Variants in STPG2 observed in about 807,000 individuals in gnomAD.
STPG2 encodes the protein sperm-tail PG-rich repeat-containing protein 2.
Under a neutral mutation model 54.2 loss-of-function variants are expected in STPG2, and 56 were observed. The observed-to-expected ratio is 1.03, with a 90% CI of 0.83 to 1.29. STPG2 has a LOEUF of 1.29. STPG2 is among the 50% of genes most tolerant of loss of function. The pLI is 0.00. For synonymous variants in STPG2, 200 were observed against 181.8 expected (o/e 1.10, Z -0.81); for missense variants, 596 against 544.9 (o/e 1.09, Z -0.93).
chr4:97,839,437 A>C (rs1014501751), intron 9 of STPG2, among the ~76,000 whole-genome samples: 8 of 151,666 alleles, frequency 5.3e-5, no homozygotes, highest in Non-Finnish European at 1.0e-4. Context: ...GAATACAGAC[A>C]AAAAATATCA....
At chr4:97,835,019 C>T (rs1372933754) in intron 9 of STPG2, among the ~76,000 whole-genome samples, 1 of 152,180 alleles carries the variant, frequency 6.6e-6, no homozygotes, top group African/African-American at 2.4e-5. Context: ...GTGCCTCCAT[C>T]TTAAGTAGTG....
Position 97,755,378 on chromosome 4 carries a change from T to C in STPG2, c.1205-42564A>G, listed in dbSNP as rs142121162. 8.1e-3 allele frequency among the ~76,000 whole-genome samples: 1,234 copies of C among 152,280 alleles called. 16 individuals are homozygous for C. Among genetic ancestry groups the C allele is most frequent in the African/African-American group, 0.028 (1,168 of 41,552 alleles). ...ACCCTGGTTCAAAGAGGGAAAACTGTGCTCTTTTGCAAGCTCTAGTATTAT... is the reference window on the plus strand; with the variant it reads ...ACCCTGGTTCAAAGAGGGAAAACTGCGCTCTTTTGCAAGCTCTAGTATTAT... On this transcript the variant is annotated intron_variant, in intron 9 of 10. Coordinates refer to ENST00000295268, the MANE Select transcript of STPG2 (RefSeq NM_174952.3).
intron 8 of STPG2, among the ~76,000 whole-genome samples, chr4:97,848,084 AG>A (rs923834680): frequency 2.4e-4 from 37 of 152,292 alleles, no homozygotes; most frequent in African/African-American, 8.4e-4. Context: ...TTGGATCCCC[AG>A]TGCCTATGGG....
intron 10 of STPG2, among the ~76,000 whole-genome samples, chr4:97,615,505 C>T (rs1312702941): frequency 6.6e-6 from 1 of 151,916 alleles, no homozygotes; most frequent in African/African-American, 2.4e-5. Context: ...TCAGGCTGGC[C>T]TTGAACTCCT....
chr4:97,662,198 G>A (rs139717149), intron 10 of STPG2, among the ~76,000 whole-genome samples: 14 of 151,912 alleles, frequency 9.2e-5, no homozygotes, highest in East Asian at 7.7e-4. Flanking sequence ...AGCAAATAAC[G>A]CCACTAAAAA....
chr4:97,567,170 T>G (rs552995274), intron 10 of STPG2, among the ~76,000 whole-genome samples: 2 of 150,930 alleles, frequency 1.3e-5, no homozygotes, highest in East Asian at 3.9e-4. Flanking sequence ...ATAGCTTACT[T>G]TAAGGTAGTC....
chr4:97,731,187 T>G (rs1724782839), intron 9 of STPG2, among the ~76,000 whole-genome samples: 1 of 152,186 alleles, frequency 6.6e-6, no homozygotes, highest in African/African-American at 2.4e-5. Flanking sequence ...GTTTTTATAT[T>G]CTTTAATTCC....
chr4:97,706,828 GAAT>G (rs1287448487), intron 10 of STPG2, among the ~76,000 whole-genome samples: 1 of 152,088 alleles, frequency 6.6e-6, no homozygotes, highest in African/African-American at 2.4e-5. Flanking sequence ...AATTAAAAGA[GAAT>G]AAGAAAAGAG....
intron 5 of STPG2, chr4:98,025,625 C>T (rs1041892842): frequency 4.3e-5 from 34 of 788,922 alleles, no homozygotes; most frequent in African/African-American, 1.5e-4. Context: ...AGCATATGCA[C>T]ACGAACTGCC....
chr4:97,514,210 T>G (rs1477446112), intron 4 of STPG2, among the ~76,000 whole-genome samples: 1 of 152,120 alleles, frequency 6.6e-6, no homozygotes, highest in Non-Finnish European at 1.5e-5. Flanking sequence ...GTTTTGTTTT[T>G]GTTCTAAACG....
chr4:97,564,377 C>T (rs1301669835), intron 10 of STPG2, among the ~76,000 whole-genome samples: 6 of 152,164 alleles, frequency 3.9e-5, no homozygotes. Context: ...TGGGTCTTGA[C>T]TCTTTATCCA....
intron 5 of STPG2, among the ~76,000 whole-genome samples, chr4:98,005,805 AT>A (rs1164595323): frequency 2.0e-5 from 3 of 152,200 alleles, no homozygotes; most frequent in African/African-American, 7.2e-5. Context: ...ATCTCTGTTC[AT>A]CAGAAATGTT....
At chr4:98,074,667 C>G (rs1738104976) in intron 5 of STPG2, among the ~76,000 whole-genome samples, 1 of 152,196 alleles carries the variant, frequency 6.6e-6, no homozygotes, top group Non-Finnish European at 1.5e-5. Flanking sequence ...TACTAATTCT[C>G]TCTTTTGCAC....
chr4:97,957,186 T>C (rs1218463412), intron 7 of STPG2, among the ~76,000 whole-genome samples: 2 of 70,652 alleles, frequency 2.8e-5, no homozygotes, highest in East Asian at 4.1e-4. Context: ...AATATATATA[T>C]GAAATGAAGG....
intron 4 of STPG2, 49 bp downstream of exon 4, chr4:98,109,143 CT>C: frequency 2.6e-6 from 3 of 1,153,772 alleles, no homozygotes; most frequent in Non-Finnish European, 3.6e-6. Flanking sequence ...TATTAAAATA[CT>C]TTTCTAGTCA....
At chr4:98,097,468 G>T (rs899833261) in intron 5 of STPG2, among the ~76,000 whole-genome samples, 1 of 152,020 alleles carries the variant, frequency 6.6e-6, no homozygotes, top group African/African-American at 2.4e-5. Flanking sequence ...GGTATAGAAG[G>T]AACATACCTC....
chr4:97,920,465 G>A (rs1732056430), intron 8 of STPG2, among the ~76,000 whole-genome samples: 1 of 152,156 alleles, frequency 6.6e-6, no homozygotes, highest in Non-Finnish European at 1.5e-5. Context: ...ACCGACTGGG[G>A]TGACTTATCA....
chr4:97,714,558 A>C (rs1724231288), intron 9 of STPG2, among the ~76,000 whole-genome samples: 1 of 152,186 alleles, frequency 6.6e-6, no homozygotes, highest in Non-Finnish European at 1.5e-5. Flanking sequence ...AGTGATAAGG[A>C]AAGTGTTTTT....
chr4:97,833,207 C>T (rs940814989), intron 9 of STPG2, among the ~76,000 whole-genome samples: 7 of 152,142 alleles, frequency 4.6e-5, no homozygotes, highest in Non-Finnish European at 5.9e-5. Context: ...AATAACACCA[C>T]GCATCTACAA....
Sources: gnomAD v4.1 joint callset for allele counts (sites outside exome capture counted in the v4.1 genomes callset) on GRCh38, gnomAD v4.1.1 for gene constraint, MANE v1.5 for transcripts, NCBI Gene and HGNC (gene_info 2026-07-23, HGNC 2026-07-21) for gene names.